PCDHA12: variants seen among roughly 807,000 people sequenced by gnomAD.
PCDHA12 encodes the protein protocadherin alpha 12, also known as protocadherin alpha-12.
PCDHA12 carries 44 observed loss-of-function variants against 60.0 expected under a neutral mutation model. The observed-to-expected ratio is 0.73, with a 90% CI of 0.58 to 0.94. The LOEUF (loss-of-function observed/expected upper bound fraction) is 0.94, where lower values mean the gene tolerates loss of function less well. PCDHA12 is among the 40% of genes least tolerant of loss of function. PCDHA12 has a pLI of 0.00. For synonymous variants in PCDHA12, 569 were observed against 553.0 expected, an observed-to-expected ratio of 1.03 and a Z score of -0.40; for missense variants, 1,276 against 1,239.7, an observed-to-expected ratio of 1.03 and a Z score of -0.44.
intron 1 of PCDHA12, among the ~76,000 whole-genome samples, chr5:140,910,225 T>C (rs1194368347): frequency 6.6e-6 from 1 of 152,232 alleles, no homozygotes; most frequent in Non-Finnish European, 1.5e-5. Flanking sequence ...TTTCTGCTTA[T>C]ATAAATTAAA....
In PCDHA12 at chr5:140,883,696, G is replaced by C. The variant is rs142212706; in HGVS notation, c.2367+5857G>C. On this transcript the variant is annotated intron_variant, in intron 1 of 3. Transcript: ENST00000398631. ...ATCCGCCGGGCTGCCACATCTTCAC[G>C]GTGTCTGCTCAGGACGCGGACGCAC... The C allele has an allele frequency of 1.7e-4, 276 of 1,613,818 alleles. 1 individual carries two copies. In the African/African-American group the frequency reaches 3.2e-3, roughly 19 times the overall value.
intron 3 of PCDHA12, 57 bp downstream of exon 3, chr5:140,982,620 C>T: frequency 2.5e-6 from 4 of 1,588,470 alleles, no homozygotes. Flanking sequence ...ATCAGATGAC[C>T]TACTTTTGTA....
At chr5:140,935,996 G>C (rs145363850) in intron 1 of PCDHA12, among the ~76,000 whole-genome samples, 1,644 of 150,942 alleles carry the variant, frequency 0.011, 22 homozygotes, top group African/African-American at 0.037. Flanking sequence ...GGGTTCAAGC[G>C]ATTCTCCCAC....
chr5:140,905,493 T>C (rs185992010), intron 1 of PCDHA12, among the ~76,000 whole-genome samples: 10 of 152,288 alleles, frequency 6.6e-5, no homozygotes, highest in Non-Finnish European at 1.5e-4. Context: ...CTTCTTTTTG[T>C]TTTGTATTGC....
intron 1 of PCDHA12, chr5:140,929,259 G>A (rs782558603): frequency 4.7e-5 from 76 of 1,612,754 alleles, no homozygotes; most frequent in Non-Finnish European, 6.2e-5. Context: ...GGGTAGGACT[G>A]AATTTGCCAA....
rs782181544 is a variant in PCDHA12, at chr5:140,875,924, A to G, written c.452A>G (p.His151Arg). 5 of 1,613,936 alleles carry G rather than the reference A, an allele frequency of 3.1e-6. No individual in the cohort carries two copies. The highest frequency in any genetic ancestry group is 4.2e-6 in the Non-Finnish European group (5 of 1,180,016). Residue 151 changes from histidine (H) to arginine (R), a missense_variant, in exon 1 of 4, where the codon CAT becomes CGT. Transcript: ENST00000398631. ...TCTGAATCTGCGCCTCTGGACTCTC[A>G]TTTTCCTCTAGAGGGCGCTTCTGAT... ...PVSESAPLDS[H>R]FPLEGASDAD...
chr5:140,911,473 T>C (rs2075497981), intron 1 of PCDHA12, among the ~76,000 whole-genome samples: 1 of 152,180 alleles, frequency 6.6e-6, no homozygotes, highest in Non-Finnish European at 1.5e-5. Flanking sequence ...GATAAGACTC[T>C]CACTCAGGGC....
intron 1 of PCDHA12, among the ~76,000 whole-genome samples, chr5:140,923,820 C>T (rs892649324): frequency 5.3e-4 from 80 of 152,224 alleles, no homozygotes; most frequent in African/African-American, 1.6e-3. Context: ...TGAAAATAGA[C>T]GTCAGTGGCA....
rs189936741 is a variant in PCDHA12, at chr5:140,928,492, C to T, written c.2368-50457C>T. The T allele has an allele frequency of 1.5e-5, 24 of 1,614,150 alleles. No individual in the cohort carries two copies. In the East Asian group the frequency reaches 5.3e-4, roughly 36 times the overall value. ...AGAAGGCCGGGATGGTGGCATTCCT[C>T]CCAGAAGTGCAACAGTGACTATAAA... On this transcript the variant is annotated intron_variant, in intron 1 of 3. Transcript: ENST00000398631.
At chr5:140,949,670 T>G (rs1218670800) in intron 1 of PCDHA12, among the ~76,000 whole-genome samples, 2 of 151,862 alleles carry the variant, frequency 1.3e-5, no homozygotes, top group African/African-American at 4.8e-5. Flanking sequence ...CTTTAAAGTA[T>G]GCCCTTGTTG....
intron 1 of PCDHA12, chr5:140,884,564 A>C: frequency 6.2e-7 from 1 of 1,614,118 alleles, no homozygotes; most frequent in Non-Finnish European, 8.5e-7. Flanking sequence ...GGGCCCGCAT[A>C]AGACGGACCT....
In PCDHA12 at chr5:140,877,789, A is replaced by C; in HGVS notation, c.2317A>C (p.Ser773Arg). 1 of 1,614,072 alleles carries C rather than the reference A, an allele frequency of 6.2e-7. No homozygotes were observed. Among genetic ancestry groups the C allele is most frequent in the Non-Finnish European group, 8.5e-7 (1 of 1,179,978 alleles). Residue 773 changes from serine to arginine, a missense_variant, in exon 1 of 4, where the codon AGC (serine) becomes CGC (arginine). Physicochemically the swap from Ser to Arg is moderately radical, Grantham distance 110 (BLOSUM62 -1). Coordinates refer to ENST00000398631, the MANE Select transcript of PCDHA12 (RefSeq NM_018903.4). The stretch of plus-strand genomic sequence containing the variant: ...GCCCAAGACGGACCTCATGGCCTTC[A>C]GCCCAAGCCTTCAGCTGTCTCGAGA... Reference protein sequence around the residue: ...SPPKTDLMAFSPSLQLSREDC... With the variant: ...SPPKTDLMAFRPSLQLSREDC...
chr5:140,886,827 G>GAAAA (rs782016620), intron 1 of PCDHA12, among the ~76,000 whole-genome samples: 11 of 60,864 alleles, frequency 1.8e-4, no homozygotes, highest in Admixed American at 1.8e-4. Context: ...ACTTCGTCTT[G>GAAAA]AAAAAAAAAA....
At chr5:140,969,982 G>T (rs1327490843) in intron 1 of PCDHA12, among the ~76,000 whole-genome samples, 1 of 152,184 alleles carries the variant, frequency 6.6e-6, no homozygotes, top group Non-Finnish European at 1.5e-5. Flanking sequence ...CAACTCTTCT[G>T]TAGAGGGCTG....
chr5:140,946,844 G>A (rs189496185), intron 1 of PCDHA12, among the ~76,000 whole-genome samples: 5 of 151,386 alleles, frequency 3.3e-5, no homozygotes, highest in Non-Finnish European at 5.9e-5. Context: ...CAGTAGTAAG[G>A]AGGAGAGATT....
Position 140,875,324 on chromosome 5 carries a change from C to G in PCDHA12, c.-149C>G. Reference sequence around the variant, plus strand: ...TCCGCACCCACATTCCAATCATTCACGGAATAGGATCGACTCCATAATGAC... The same window carrying G: ...TCCGCACCCACATTCCAATCATTCAGGGAATAGGATCGACTCCATAATGAC... On this transcript the variant is annotated 5_prime_UTR_variant, in exon 1 of 4. Transcript: ENST00000398631. The G allele has an allele frequency of 1.4e-6, 2 of 1,426,280 alleles. No individual in the cohort carries two copies. Among genetic ancestry groups the G allele is most frequent in the Non-Finnish European group, 1.8e-6 (2 of 1,093,242 alleles). The allele number at this position is 1,426,280 out of a possible 1,614,324, so 88.4% of individuals were successfully genotyped here.
chr5:140,880,063 G>A (rs750549371), intron 1 of PCDHA12, among the ~76,000 whole-genome samples: 2 of 151,982 alleles, frequency 1.3e-5, no homozygotes, highest in Non-Finnish European at 2.9e-5. Flanking sequence ...AACTTTTTGG[G>A]GACCACAATT....
At chr5:140,948,106 T>A (rs1383733772) in intron 1 of PCDHA12, among the ~76,000 whole-genome samples, 1 of 151,652 alleles carries the variant, frequency 6.6e-6, no homozygotes, top group Non-Finnish European at 1.5e-5. Context: ...TGATTTTTCT[T>A]CGTTTTACTA....
intron 1 of PCDHA12, among the ~76,000 whole-genome samples, chr5:140,942,981 G>A (rs1242135518): frequency 6.6e-6 from 1 of 152,048 alleles, no homozygotes; most frequent in Non-Finnish European, 1.5e-5. Context: ...TTGGGGCTGG[G>A]TGTGGTGGCT....
Sources: allele counts gnomAD v4.1 joint callset (sites outside exome capture counted in the v4.1 genomes callset), GRCh38; gene constraint gnomAD v4.1.1; transcripts MANE v1.5; gene names NCBI Gene and HGNC (gene_info 2026-07-23, HGNC 2026-07-21).